Variants in ABCA13 observed in about 807,000 individuals in gnomAD.
ABCA13 encodes ATP-binding cassette sub-family A member 13.
ABCA13 carries 476 observed loss-of-function variants against 478.7 expected under a neutral mutation model. The observed-to-expected ratio is 0.99, with a 90% CI of 0.92 to 1.07. The LOEUF is 1.07. Among genes scored for constraint, ABCA13 ranks in the 50% least tolerant of loss-of-function variants. The probability of loss-of-function intolerance (pLI) is 0.00; values close to 1 mark genes in which losing one functional copy is unlikely to be tolerated. For missense variants in ABCA13, 6,060 were observed against 5,910.6 expected (o/e 1.03, Z -0.83); for synonymous variants, 2,252 against 2,158.9 (o/e 1.04, Z -1.20).
intron 43 of ABCA13, among the ~76,000 whole-genome samples, chr7:48,459,129 T>C (rs1360654190): frequency 6.6e-6 from 1 of 152,100 alleles, no homozygotes. Flanking sequence ...CTGTTTAGGG[T>C]GGAGGCGAGC....
At chr7:48,618,482 T>C (rs758090022) in intron 59 of ABCA13, among the ~76,000 whole-genome samples, 5 of 152,054 alleles carry the variant, frequency 3.3e-5, no homozygotes, top group Non-Finnish European at 7.4e-5. Flanking sequence ...GGCCAATAGA[T>C]CAGGAAACGA....
At chr7:48,604,216 G>T (rs1791221567) in intron 58 of ABCA13, among the ~76,000 whole-genome samples, 1 of 151,998 alleles carries the variant, frequency 6.6e-6, no homozygotes, top group Non-Finnish European at 1.5e-5. Flanking sequence ...AGGATTTGTT[G>T]TGTCTCTATC....
intron 6 of ABCA13, 33 bp downstream of exon 6, chr7:48,227,458 A>G (rs1204674790): frequency 1.2e-6 from 2 of 1,602,826 alleles, no homozygotes; most frequent in African/African-American, 1.3e-5. Context: ...ACTAAGTATC[A>G]ATATGTTGTT....
Position 48,248,314 on chromosome 7 carries a change from C to T in ABCA13, c.1735C>T (p.Gln579Ter). Reference sequence around the variant, plus strand: ...AATACCTGAAGAATATTTGGACTGGCAGGAACTTGAGATGCAGCTGTCAGA... The same window carrying T: ...AATACCTGAAGAATATTTGGACTGGTAGGAACTTGAGATGCAGCTGTCAGA... ...VLIPEEYLDW[Q>*]ELEMQLSEAS... The change falls in exon 14 of 62, where the codon CAG (glutamine) becomes TAG (stop). Residue 579 changes from glutamine (Q) to a stop codon, truncating the protein, a stop_gained. Coordinates refer to ENST00000435803, the MANE Select transcript of ABCA13 (RefSeq NM_152701.5). LOFTEE classifies it high-confidence loss of function. 6.2e-7 allele frequency: 1 copy of T among 1,613,874 alleles called. No individual in the cohort carries two copies. Among genetic ancestry groups the T allele is most frequent in the Non-Finnish European group, 8.5e-7 (1 of 1,179,800 alleles).
At chr7:48,432,892 C>T (rs1308242162) in intron 42 of ABCA13, among the ~76,000 whole-genome samples, 1 of 151,852 alleles carries the variant, frequency 6.6e-6, no homozygotes, top group African/African-American at 2.4e-5. Flanking sequence ...TTCAAGAGAT[C>T]TATTGTACAA....
chr7:48,230,472 G>A (rs181107092), intron 7 of ABCA13, among the ~76,000 whole-genome samples: 1 of 152,248 alleles, frequency 6.6e-6, no homozygotes, highest in African/African-American at 2.4e-5. Context: ...AACTGAGTCT[G>A]AGCTTTTTAC....
Position 48,350,775 on chromosome 7 carries a change from A to T in ABCA13, c.10337A>T (p.Glu3446Val), listed in dbSNP as rs1349177751. The T allele has an allele frequency of 6.2e-7, 1 of 1,613,778 alleles. No individual in the cohort carries two copies. The highest frequency in any genetic ancestry group is 1.7e-5 in the Admixed American group (1 of 60,008). The change falls in exon 30 of 62, where the codon GAG (glutamate) becomes GTG (valine). Residue 3446 changes from glutamate to valine, a missense_variant. This residue lies in a region of ABCA13 where 4,423 missense variants were observed against 4,309.1 expected (regional missense o/e 1.03). Coordinates refer to ENST00000435803, the MANE Select transcript of ABCA13 (RefSeq NM_152701.5). ...GCTCTGCAGTCTGTCGACATCCTGG[A>T]GACTAAAGCACATGAACTCTTGCAG... ...FQALQSVDIL[E>V]TKAHELLQQN...
chr7:48,594,848 T>A, intron 58 of ABCA13, 35 bp downstream of exon 58: 1 of 1,572,738 alleles, frequency 6.4e-7, no homozygotes, highest in Non-Finnish European at 8.8e-7. Flanking sequence ...CATTTCCTGA[T>A]AAGACTGAGT....
chr7:48,513,073 G>A (rs1429645642), intron 51 of ABCA13, among the ~76,000 whole-genome samples: 1 of 152,212 alleles, frequency 6.6e-6, no homozygotes, highest in East Asian at 1.9e-4. Context: ...AACAGGAGGG[G>A]CAGTGAGAGA....
chr7:48,488,493 T>C (rs974730701), intron 47 of ABCA13, among the ~76,000 whole-genome samples: 2 of 152,170 alleles, frequency 1.3e-5, no homozygotes, highest in African/African-American at 4.8e-5. Context: ...GCGGTAATTC[T>C]ACCAAGCGGA....
In ABCA13 at chr7:48,381,761, C is replaced by T. The variant is rs116416382; in HGVS notation, c.11335+5189C>T. On this transcript the variant is annotated intron_variant, in intron 35 of 61. Transcript: ENST00000435803. ...TAGTTTCCTGGCCTGCATAAGCCAG[C>T]AGGCAGTTCCCCTTGAGGAGAAAAG... Among the ~76,000 whole-genome samples, 290 of 152,370 alleles carry T rather than the reference C, an allele frequency of 1.9e-3. 3 individuals carry two copies. The highest frequency in any genetic ancestry group is 6.8e-3 in the African/African-American group (281 of 41,586).
intron 44 of ABCA13, among the ~76,000 whole-genome samples, chr7:48,470,458 T>C (rs1391661204): frequency 6.6e-6 from 1 of 152,156 alleles, no homozygotes. Flanking sequence ...ATAAATGGAA[T>C]TTTTTTTAAA....
intron 55 of ABCA13, among the ~76,000 whole-genome samples, chr7:48,556,354 T>C (rs1277804316): frequency 6.6e-6 from 1 of 151,940 alleles, no homozygotes; most frequent in Non-Finnish European, 1.5e-5. Flanking sequence ...CAATGTTTCT[T>C]TGTTGATTTT....
chr7:48,456,818 TC>T (rs1206180948), intron 43 of ABCA13, among the ~76,000 whole-genome samples: 1 of 150,742 alleles, frequency 6.6e-6, no homozygotes, highest in East Asian at 1.9e-4. Context: ...GTTTTTTTTT[TC>T]CTATTATAGG....
chr7:48,238,489 GAC>G (rs1386019798), intron 8 of ABCA13, among the ~76,000 whole-genome samples: 1 of 146,218 alleles, frequency 6.8e-6, no homozygotes, highest in African/African-American at 2.5e-5. Flanking sequence ...TTTTCTTTAA[GAC>G]AGAGTCTCAC....
chr7:48,226,246 A>G (rs1371897114), intron 5 of ABCA13, among the ~76,000 whole-genome samples: 1 of 152,214 alleles, frequency 6.6e-6, no homozygotes, highest in Non-Finnish European at 1.5e-5. Flanking sequence ...TTTGAGGATC[A>G]TTAGATATGG....
intron 55 of ABCA13, among the ~76,000 whole-genome samples, chr7:48,549,298 A>G (rs146261180): frequency 0.052 from 7,879 of 151,696 alleles, 426 homozygotes; most frequent in Non-Finnish European, 0.081. Flanking sequence ...TCCACTTATG[A>G]GTGAGAACAT....
chr7:48,317,767 C>G (rs1802804565), intron 27 of ABCA13, among the ~76,000 whole-genome samples: 1 of 152,172 alleles, frequency 6.6e-6, no homozygotes, highest in Non-Finnish European at 1.5e-5. Context: ...TTGCTTCACC[C>G]TGTGGAGAAT....
chr7:48,556,894 T>C (rs1267724280), intron 55 of ABCA13, among the ~76,000 whole-genome samples: 1 of 152,054 alleles, frequency 6.6e-6, no homozygotes, highest in Non-Finnish European at 1.5e-5. Flanking sequence ...ATTCCTTTAT[T>C]GAAGATGATT....
Sources: allele counts gnomAD v4.1 joint callset (sites outside exome capture counted in the v4.1 genomes callset), GRCh38; gene constraint gnomAD v4.1.1; regional missense constraint gnomAD v4.1.1; transcripts MANE v1.5; gene names NCBI Gene and HGNC (gene_info 2026-07-23, HGNC 2026-07-21).